STAR: variants seen among roughly 807,000 people sequenced by gnomAD.
STAR encodes steroidogenic acute regulatory protein, mitochondrial.
Under a neutral mutation model 32.3 loss-of-function variants are expected in STAR, and 32 were observed. That is an observed-to-expected ratio of 0.99 (90% confidence interval 0.75 to 1.33). The LOEUF (loss-of-function observed/expected upper bound fraction) is 1.33, where lower values mean the gene tolerates loss of function less well. Ranked by LOEUF, STAR falls within the 40% of genes most tolerant of loss-of-function variation. The pLI is 0.00. For missense variants in STAR, 375 were observed against 379.0 expected, an observed-to-expected ratio of 0.99 and a Z score of 0.09; for synonymous variants, 134 against 140.5, an observed-to-expected ratio of 0.95 and a Z score of 0.33.
At position 38,145,368 on chromosome 8, in the gene STAR, C is replaced by CCAG. The variant is rs1802551866; in HGVS notation, c.651-54_651-53insCTG. 5.6e-6 allele frequency: 9 copies of CCAG among 1,612,458 alleles called. No homozygotes were observed. The African/African-American group carries it at 9.3e-5, about 17-fold the overall frequency. Reference sequence around the variant, plus strand: ...GGACAGTTGCGAGTTCTCTCTTGCACTGGCTGCTTACACCAGTACCATAGA... The same window carrying CCAG: ...GGACAGTTGCGAGTTCTCTCTTGCACCAGTGGCTGCTTACACCAGTACCATAGA... On this transcript the variant is annotated intron_variant, in intron 5 of 6. Coordinates refer to ENST00000276449, the MANE Select transcript of STAR (RefSeq NM_000349.3).
chr8:38,145,503 G>C (rs1043076063), intron 5 of STAR, 188 bp from the exon 6 acceptor site: 2 of 744,084 alleles, frequency 2.7e-6, no homozygotes, highest in Admixed American at 2.2e-5. Flanking sequence ...CAGAATAAAG[G>C]CTGCTTGTAG....
chr8:38,146,809 G>A (rs955827050), intron 3 of STAR, among the ~76,000 whole-genome samples: 1 of 149,962 alleles, frequency 6.7e-6, no homozygotes, highest in African/African-American at 2.4e-5. Context: ...TCTTAGTCTA[G>A]GTCCCATAGG....
At chr8:38,145,351 G>A (rs976662330) in intron 5 of STAR, 36 bp from the exon 6 acceptor site, 27 of 1,613,638 alleles carry the variant, frequency 1.7e-5, no homozygotes, top group Non-Finnish European at 2.3e-5. Flanking sequence ...GAGGACAGTT[G>A]CGAGTTCTCT....
chr8:38,145,469 C>T (rs561018000), intron 5 of STAR, 154 bp from the exon 6 acceptor site: 248 of 974,208 alleles, frequency 2.5e-4, no homozygotes, highest in Non-Finnish European at 1.7e-4. Context: ...AATTATTTGG[C>T]AGTTGGCACA....
intron 3 of STAR, among the ~76,000 whole-genome samples, chr8:38,147,041 G>A (rs1203321609): frequency 6.6e-6 from 1 of 150,998 alleles, no homozygotes; most frequent in Non-Finnish European, 1.5e-5. Flanking sequence ...AGGCTGGAGT[G>A]CAGTGGCACA....
chr8:38,150,740 TC>T lies in STAR; in HGVS notation c.64+14del, dbSNP rs1802652594. On this transcript the variant is annotated intron_variant, in intron 1 of 6. Coordinates refer to ENST00000276449, the MANE Select transcript of STAR (RefSeq NM_000349.3). ...GCTGGCCAACCCCTCATCGCCTCCT[TC>T]CCGCAGCGCTCACCCTTCATGTTGC... is the stretch of plus-strand genomic sequence containing the variant. The T allele has an allele frequency of 6.2e-7, 1 of 1,606,088 alleles. No individual in the cohort carries two copies.
chr8:38,145,510 G>A lies in STAR; in HGVS notation c.651-195C>T, dbSNP rs936622482. 1.5e-5 allele frequency: 11 copies of A among 730,688 alleles called. No homozygotes were observed. In the African/African-American group the frequency reaches 1.6e-4, roughly 10 times the overall value. The allele number at this position is 730,688 out of a possible 1,614,324, so 45.3% of individuals were successfully genotyped here. A position where few individuals can be genotyped will look rare whatever the true frequency, so the allele number is the denominator to read the frequency against. ...CAGCTCATCAGAATAAAGGCTGCTT[G>A]TAGCTGGAGCAGCCCCTGCGGCCTC... On this transcript the variant is annotated intron_variant, in intron 5 of 6. Transcript: ENST00000276449.
intron 1 of STAR, among the ~76,000 whole-genome samples, chr8:38,150,421 G>GA (rs1417497628): frequency 2.9e-5 from 4 of 136,618 alleles, no homozygotes; most frequent in Admixed American, 7.4e-5. Flanking sequence ...AAAGGCGGAA[G>GA]AAAAAAAGAA....
rs1585626969 is a variant in STAR at position 38,148,430 on chromosome 8, G to T, written c.179-103C>A. 7.7e-6 allele frequency: 12 copies of T among 1,561,768 alleles called. No individual in the cohort carries two copies. The East Asian group carries it at 2.6e-4, about 33-fold the overall frequency. ...TCTGCTCATTGCTCTGAAGAGCCCG[G>T]ACTAAAGCCATAGGGGCCAGCCTGC... On this transcript the variant is annotated intron_variant, in intron 2 of 6. Transcript: ENST00000276449.
Position 38,145,972 on chromosome 8 carries a change from C to G in STAR, c.641G>C (p.Gly214Ala), listed in dbSNP as rs746292898. The change falls in exon 5 of 7, where the codon GGT becomes GCT. Residue 214 changes from glycine (G) to alanine (A), a missense_variant. Gly to Ala is a moderately conservative substitution (Grantham distance 60). Transcript: ENST00000276449. ...CTGCTGCCCGTATTACCTGATGACA[C>G]CCTTCTGCTCAGGCATGTTCCCGAA... Reference protein sequence around the residue: ...TDFGNMPEQKGVIRAEHGPTC... With the variant: ...TDFGNMPEQKAVIRAEHGPTC... 11 of 1,613,886 alleles carry G rather than the reference C, an allele frequency of 6.8e-6. No individual in the cohort carries two copies. In the Admixed American group the frequency reaches 1.8e-4, roughly 27 times the overall value.
chr8:38,143,901 A>C lies in STAR; in HGVS notation c.*372T>G, dbSNP rs1802512604. ...AGCGCATGGCATTCTTGAGCCCATA[A>C]AGCAAGACTTCTCAGGCCCTGTGGT... On this transcript the variant is annotated 3_prime_UTR_variant, in exon 7 of 7. Transcript: ENST00000276449. The C allele has an allele frequency of 2.9e-6, 1 of 344,012 alleles. No individual in the cohort carries two copies. The highest frequency in any genetic ancestry group is 4.0e-5 in the Admixed American group (1 of 25,000). The allele number at this position is 344,012 out of a possible 1,614,324, so 21.3% of individuals were successfully genotyped here.
chr8:38,146,326 G>A lies in STAR; in HGVS notation c.428C>T (p.Ala143Val), dbSNP rs1408942289. ...LYEELVERME[A>V]MGEWNPNVKE... The stretch of plus-strand genomic sequence containing the variant: ...GACATTGGGGTTCCACTCCCCCATT[G>A]CTTCCATGCGCTCCACGAGCTCTTC... The change falls in exon 4 of 7, where the codon GCA becomes GTA. Residue 143 changes from alanine (A) to valine (V), a missense_variant. Coordinates refer to ENST00000276449, the MANE Select transcript of STAR (RefSeq NM_000349.3). 1.2e-6 allele frequency: 2 copies of A among 1,614,108 alleles called. No individual in the cohort carries two copies. Among genetic ancestry groups the A allele is most frequent in the Admixed American group, 1.7e-5 (1 of 60,010 alleles).
rs779533605 is a variant in STAR at position 38,144,378 on chromosome 8, C to T, written c.753G>A (p.Leu251=). 8 of 1,598,006 alleles carry T rather than the reference C, an allele frequency of 5.0e-6. No homozygotes were observed. Among genetic ancestry groups the T allele is most frequent in the Non-Finnish European group, 6.8e-6 (8 of 1,172,352 alleles). ...WLLSIDLKGW[L]PKSIINQVLS... ...GGACCTGGTTGATGATGCTCTTGGGCAGCCACCCCTGCAGTAGGAGGTAGG... is the reference window on the plus strand; with the variant it reads ...GGACCTGGTTGATGATGCTCTTGGGTAGCCACCCCTGCAGTAGGAGGTAGG... The change falls in exon 7 of 7, where the codon CTG becomes CTA. Residue 251 remains leucine, a synonymous_variant. Transcript: ENST00000276449.
chr8:38,144,630 C>G, intron 6 of STAR: 1 of 1,331,992 alleles, frequency 7.5e-7, no homozygotes. Flanking sequence ...GACCCTGAAC[C>G]AGTTATGTTG....
intron 1 of STAR, 186 bp from the exon 2 acceptor site, chr8:38,148,940 C>T: frequency 3.3e-6 from 2 of 609,326 alleles, no homozygotes. Flanking sequence ...GGCAGTGCTC[C>T]AGGGTCCAGA....
intron 1 of STAR, among the ~76,000 whole-genome samples, chr8:38,149,381 T>C (rs1802630429): frequency 6.6e-6 from 1 of 152,164 alleles, no homozygotes; most frequent in South Asian, 2.1e-4. Flanking sequence ...CTAGATTGAC[T>C]TGTGTACCCT....
At chr8:38,145,419 T>G in intron 5 of STAR, 104 bp from the exon 6 acceptor site, 1 of 1,503,996 alleles carries the variant, frequency 6.6e-7, no homozygotes, top group South Asian at 1.2e-5. Flanking sequence ...GTACCTTGTC[T>G]TTTCTGAGTC....
intron 1 of STAR, 67 bp downstream of exon 1, chr8:38,150,688 G>A: frequency 6.2e-7 from 1 of 1,600,262 alleles, no homozygotes; most frequent in Admixed American, 1.7e-5. Context: ...GATCAGAATT[G>A]GGTGGCCTGA....
intron 1 of STAR, 66 bp from the exon 2 acceptor site, chr8:38,148,820 C>A: frequency 7.8e-7 from 1 of 1,282,414 alleles, no homozygotes; most frequent in East Asian, 2.4e-5. Context: ...ACTCCCACCC[C>A]CTCATCTTGT....
Sources: allele counts gnomAD v4.1 joint callset (sites outside exome capture counted in the v4.1 genomes callset), GRCh38; gene constraint gnomAD v4.1.1; transcripts MANE v1.5; gene names NCBI Gene and HGNC (gene_info 2026-07-23, HGNC 2026-07-21).